The following IL17B variants were observed in gnomAD, a reference collection of about 807,000 sequenced individuals.
IL17B encodes interleukin 17B.
A neutral mutation model predicts 14.7 loss-of-function variants in IL17B; 14 were observed. The ratio of observed to expected loss-of-function variants is 0.95; its 90% CI spans 0.63 to 1.49. The LOEUF is 1.49. Among genes scored for constraint, IL17B ranks in the 40% most tolerant of loss-of-function variants. IL17B has a pLI of 0.00. For synonymous variants in IL17B, 105 were observed against 94.8 expected, an observed-to-expected ratio of 1.11 and a Z score of -0.62; for missense variants, 233 against 252.8, an observed-to-expected ratio of 0.92 and a Z score of 0.53.
At chr5:149,390,545 C>T (rs1317157099) in intron 1 of IL17B, among the ~76,000 whole-genome samples, 1 of 140,556 alleles carries the variant, frequency 7.1e-6, no homozygotes, top group Non-Finnish European at 1.5e-5. Context: ...CTCATCATGT[C>T]CCAAGTTTTC....
intron 1 of IL17B, among the ~76,000 whole-genome samples, chr5:149,390,864 T>C (rs1006422040): frequency 7.2e-5 from 11 of 152,044 alleles, no homozygotes; most frequent in South Asian, 4.1e-4. Context: ...AAAATAACTT[T>C]AAATTAAAAT....
chr5:149,392,265 T>G (rs902068729), intron 1 of IL17B, among the ~76,000 whole-genome samples: 1 of 152,254 alleles, frequency 6.6e-6, no homozygotes, highest in Admixed American at 6.5e-5. Flanking sequence ...CTTCTATCTT[T>G]TCTAATTTCT....
At chr5:149,400,916 C>T (rs1484325996) in intron 1 of IL17B, among the ~76,000 whole-genome samples, 1 of 152,162 alleles carries the variant, frequency 6.6e-6, no homozygotes, top group African/African-American at 2.4e-5. Context: ...CCTCCTCCAC[C>T]CTTTTGTTCT....
Position 149,375,646 on chromosome 5 carries a change from C to T in IL17B, c.312-1046G>A, listed in dbSNP as rs144239639. Among the ~76,000 whole-genome samples the T allele has an allele frequency of 8.2e-3, 1,253 of 152,162 alleles. 15 individuals carry two copies. Among genetic ancestry groups the T allele is most frequent in the African/African-American group, 0.029 (1,195 of 41,508 alleles). ...TTACGCCTGTAATCTCAGCACTTTG[C>T]GAGGCCAAGGCAGGTGGATTGCTTG... is the stretch of plus-strand genomic sequence containing the variant. On this transcript the variant is annotated intron_variant, in intron 2 of 2. Transcript: ENST00000261796.
chr5:149,387,069 G>T (rs1161014729), intron 1 of IL17B, among the ~76,000 whole-genome samples: 2 of 152,158 alleles, frequency 1.3e-5, no homozygotes, highest in Non-Finnish European at 2.9e-5. Context: ...TTTAGGACCA[G>T]CCCACAGCTC....
At chr5:149,391,790 T>A in intron 1 of IL17B, among the ~76,000 whole-genome samples, 1 of 152,172 alleles carries the variant, frequency 6.6e-6, no homozygotes, top group East Asian at 1.9e-4. Context: ...GGAGGGTGAC[T>A]GACTGGTGTG....
chr5:149,397,329 C>T (rs371893748), intron 1 of IL17B, among the ~76,000 whole-genome samples: 6 of 152,150 alleles, frequency 3.9e-5, no homozygotes, highest in African/African-American at 1.4e-4. Flanking sequence ...CCATCAGGCC[C>T]GGCTAATTTT....
At chr5:149,386,026 A>G (rs1349966993) in intron 1 of IL17B, among the ~76,000 whole-genome samples, 1 of 152,198 alleles carries the variant, frequency 6.6e-6, no homozygotes, top group Non-Finnish European at 1.5e-5. Flanking sequence ...GGTTGGGTTC[A>G]AAGGCCTGCA....
At chr5:149,397,096 T>G (rs531191371) in intron 1 of IL17B, among the ~76,000 whole-genome samples, 13 of 152,362 alleles carry the variant, frequency 8.5e-5, no homozygotes, top group Admixed American at 7.8e-4. Flanking sequence ...ATGTTGTACA[T>G]TTGAGTGGTT....
upstream of IL17B, among the ~76,000 whole-genome samples, chr5:149,381,873 G>A (rs1758706436): frequency 6.6e-6 from 1 of 152,170 alleles, no homozygotes; most frequent in Non-Finnish European, 1.5e-5. Flanking sequence ...CAGGAACTGG[G>A]CTTCCAGGGC....
chr5:149,392,794 T>C (rs562553882), intron 1 of IL17B, among the ~76,000 whole-genome samples: 37 of 152,284 alleles, frequency 2.4e-4, no homozygotes, highest in African/African-American at 8.4e-4. Context: ...TTCTCTCTCT[T>C]TCTCTCCCTC....
intron 1 of IL17B, among the ~76,000 whole-genome samples, chr5:149,390,656 C>A (rs911544450): frequency 6.7e-6 from 1 of 148,736 alleles, no homozygotes; most frequent in African/African-American, 2.5e-5. Context: ...CCTCCAAGTC[C>A]CTTCGCCAAC....
chr5:149,398,588 C>T (rs962878886), intron 1 of IL17B, among the ~76,000 whole-genome samples: 6 of 152,232 alleles, frequency 3.9e-5, no homozygotes, highest in South Asian at 4.2e-4. Context: ...AAGACATACC[C>T]GAGACTGGGC....
Position 149,374,933 on chromosome 5 carries a change from C to CTTTAT in IL17B, c.312-338_312-334dup, listed in dbSNP as rs1007361434. The CTTTAT allele has an allele frequency of 8.9e-6, 2 of 224,764 alleles. No homozygotes were observed. The highest frequency in any genetic ancestry group is 4.5e-5 in the African/African-American group (2 of 44,626). The allele number at this position is 224,764 out of a possible 1,614,324, so 13.9% of individuals were successfully genotyped here. On this transcript the variant is annotated intron_variant, in intron 2 of 2. Transcript: ENST00000261796. This position sits in a 1 kb window ranked among gnomAD's most constrained non-coding sequence, Gnocchi z 5.0. The stretch of plus-strand genomic sequence containing the variant: ...ACCACCTAGGGCCCTCATGTGTTTC[C>CTTTAT]TTTATTTGAGACAGGGTCTCACTCT...
At chr5:149,388,565 G>A (rs941361057) in intron 1 of IL17B, among the ~76,000 whole-genome samples, 6 of 152,142 alleles carry the variant, frequency 3.9e-5, no homozygotes, top group African/African-American at 9.7e-5. Flanking sequence ...GACTCTTTGC[G>A]AATATACAGA....
intron 1 of IL17B, among the ~76,000 whole-genome samples, chr5:149,397,006 G>A (rs559229221): frequency 1.2e-3 from 186 of 152,210 alleles, no homozygotes; most frequent in Non-Finnish European, 2.2e-3. Context: ...TTTCACCTGT[G>A]TCTTCACTTC....
intron 1 of IL17B, among the ~76,000 whole-genome samples, chr5:149,394,137 G>A (rs1274913303): frequency 1.3e-5 from 2 of 152,160 alleles, no homozygotes; most frequent in African/African-American, 4.8e-5. Flanking sequence ...ATTTTTGCAA[G>A]CATAAACACT....
intron 2 of IL17B, among the ~76,000 whole-genome samples, chr5:149,375,601 A>G (rs946105265): frequency 6.6e-6 from 1 of 152,216 alleles, no homozygotes; most frequent in African/African-American, 2.4e-5. Flanking sequence ...TGTCAAATTA[A>G]TCGGGCTGAG....
chr5:149,387,911 G>A (rs1389261866), intron 1 of IL17B, among the ~76,000 whole-genome samples: 1 of 152,206 alleles, frequency 6.6e-6, no homozygotes, highest in Non-Finnish European at 1.5e-5. Context: ...GGAGAAAAGG[G>A]ACAGAGCTTG....
Sources: allele counts gnomAD v4.1 joint callset (sites outside exome capture counted in the v4.1 genomes callset), GRCh38; gene constraint gnomAD v4.1.1; non-coding constraint Gnocchi (gnomAD v3.1); transcripts MANE v1.5; gene names NCBI Gene and HGNC (gene_info 2026-07-23, HGNC 2026-07-21).